The following BDNF variants were observed in gnomAD, a reference collection of about 807,000 sequenced individuals.
BDNF encodes neurotrophic factor BDNF precursor form.
A neutral mutation model predicts 19.5 loss-of-function variants in BDNF; 1 was observed. The observed-to-expected ratio is 0.05, with a 90% confidence interval of 0.02 to 0.24. BDNF has a LOEUF of 0.24. Ranked by LOEUF, BDNF falls within the 10% of genes least tolerant of loss-of-function variation. The pLI, the probability that BDNF is intolerant of heterozygous loss-of-function variation, is 1.00. For synonymous variants in BDNF, 100 were observed against 121.6 expected, an observed-to-expected ratio of 0.82 and a Z score of 1.17; for missense variants, 195 against 317.6, an observed-to-expected ratio of 0.61 and a Z score of 2.93.
In BDNF at chr11:27,694,692, T is replaced by G. The variant is rs543117010; in HGVS notation, c.-22+5472A>C. ...TTCCTTTTTCTTGTTTGTTTGTTTT[T>G]TGTGTGTGTGTTTAAAATCTTGCTT... On this transcript the variant is annotated intron_variant, in intron 1 of 1. Transcript: ENST00000356660. 3.9e-5 allele frequency among the ~76,000 whole-genome samples: 6 copies of G among 152,178 alleles called. No individual in the cohort carries two copies. In the East Asian group the frequency reaches 7.7e-4, roughly 20 times the overall value.
chr11:27,713,034 AGT>A (rs1243813962), intron 1 of BDNF, among the ~76,000 whole-genome samples: 1 of 149,064 alleles, frequency 6.7e-6, no homozygotes, highest in Non-Finnish European at 1.5e-5. Context: ...CAGCCTCCCA[AGT>A]AGCTGAGATT....
Position 27,716,440 on chromosome 11 carries a change from TACACACACACACACAGAC to T in BDNF, c.3+4954_3+4971del, listed in dbSNP as rs1221588448. On this transcript the variant is annotated intron_variant, in intron 1 of 1. Coordinates refer to the BDNF transcript ENST00000314915. ...ACACACACAGAGACACACACGCCCA[TACACACACACACACAGAC>T]ACACACACACACACACACACACACA... is the stretch of plus-strand genomic sequence containing the variant. Among the ~76,000 whole-genome samples the T allele has an allele frequency of 6.1e-3, 524 of 86,570 alleles. 2 individuals carry two copies. The highest frequency in any genetic ancestry group is 0.019 in the African/African-American group (499 of 25,642). The allele number at this position is 86,570 out of a possible 152,430, so 56.8% of individuals were successfully genotyped here.
At chr11:27,662,785 A>G (rs1040415042) in intron 1 of BDNF, among the ~76,000 whole-genome samples, 3 of 152,216 alleles carry the variant, frequency 2.0e-5, no homozygotes, top group Admixed American at 6.5e-5. Context: ...CCCGCCGCTC[A>G]CTTCCTACTG....
At chr11:27,713,571 G>A (rs755844305) in intron 1 of BDNF, among the ~76,000 whole-genome samples, 20 of 152,136 alleles carry the variant, frequency 1.3e-4, no homozygotes, top group African/African-American at 2.9e-4. Flanking sequence ...TCCTTGAAGC[G>A]GGAGGAATCA....
chr11:27,720,552 C>T, intron 1 of BDNF: 1 of 985,816 alleles, frequency 1.0e-6, no homozygotes, highest in East Asian at 1.1e-4. Context: ...GACTCTCTCT[C>T]CAGCCCCGAT....
chr11:27,680,039 C>T (rs1246340181), intron 1 of BDNF, among the ~76,000 whole-genome samples: 1 of 152,212 alleles, frequency 6.6e-6, no homozygotes, highest in Non-Finnish European at 1.5e-5. Context: ...TGGATGTCAA[C>T]TTGTCAAACT....
intron 1 of BDNF, chr11:27,721,398 TTATTGC>T: frequency 1.9e-6 from 3 of 1,614,096 alleles, no homozygotes; most frequent in Non-Finnish European, 2.5e-6. Context: ...AATGCAGGTT[TTATTGC>T]TACTCACCAT....
At chr11:27,721,429 C>T in exon 1 of BDNF, 1 of 1,614,062 alleles carries the variant, frequency 6.2e-7, no homozygotes, top group Non-Finnish European at 8.5e-7. Flanking sequence ...CCTTTGCTGT[C>T]CTGGAGACTC....
At chr11:27,720,589 G>A (rs1860710440) in intron 1 of BDNF, 1 of 985,660 alleles carries the variant, frequency 1.0e-6, no homozygotes, top group African/African-American at 1.7e-5. Context: ...CCTCAGAAAA[G>A]ACGCTTTTTA....
intron 1 of BDNF, among the ~76,000 whole-genome samples, chr11:27,682,228 GA>G (rs1856921422): frequency 6.6e-6 from 1 of 151,882 alleles, no homozygotes; most frequent in Non-Finnish European, 1.5e-5. Flanking sequence ...ACCATCTGTA[GA>G]AGTTTCTAAA....
intron 1 of BDNF, among the ~76,000 whole-genome samples, chr11:27,676,500 G>A (rs1200101025): frequency 6.6e-6 from 1 of 152,086 alleles, no homozygotes; most frequent in African/African-American, 2.4e-5. Context: ...ATGTGGGGAT[G>A]ACCTGGAATA....
chr11:27,658,578 T>C lies in BDNF; in HGVS notation c.-14A>G. 2 of 1,614,226 alleles carry C rather than the reference T, an allele frequency of 1.2e-6. No homozygotes were observed. The highest frequency in any genetic ancestry group is 1.7e-6 in the Non-Finnish European group (2 of 1,180,032). On this transcript the variant is annotated 5_prime_UTR_variant, in exon 2 of 2. Coordinates refer to ENST00000356660, the MANE Select transcript of BDNF (RefSeq NM_001709.5). This position sits in a 1 kb window ranked among gnomAD's most constrained non-coding sequence, Gnocchi z 5.7. ...AAGGATGGTCATCACTCTTCTCACC[T>C]GGTGGAACTGTAGGGAGAAAGCAGA...
Position 27,656,630 on chromosome 11 carries a change from A to G in BDNF, c.*1191T>C, listed in dbSNP as rs1852580149. Reference sequence around the variant, plus strand: ...GCTGTTCAGTCTCATGTCACTGGCAATGTGGATTCCTGTTCTGATCTAGGT... The same window carrying G: ...GCTGTTCAGTCTCATGTCACTGGCAGTGTGGATTCCTGTTCTGATCTAGGT... On this transcript the variant is annotated 3_prime_UTR_variant, in exon 2 of 2. Transcript: ENST00000356660. The G allele has an allele frequency of 1.1e-5, 11 of 985,640 alleles. No homozygotes were observed. The highest frequency in any genetic ancestry group is 5.2e-4 in the Middle Eastern group (1 of 1,938). The allele number at this position is 985,640 out of a possible 1,614,324, so 61.1% of individuals were successfully genotyped here. A position where few individuals can be genotyped will look rare whatever the true frequency, so the allele number is the denominator to read the frequency against.
At chr11:27,711,281 A>C (rs1289346394) in intron 1 of BDNF, among the ~76,000 whole-genome samples, 1 of 152,250 alleles carries the variant, frequency 6.6e-6, no homozygotes, top group African/African-American at 2.4e-5. Context: ...TAGTGAGCTC[A>C]ACAAAGTTAG....
chr11:27,720,225 A>G (rs776186068), intron 1 of BDNF: 470 of 703,488 alleles, frequency 6.7e-4, no homozygotes, highest in Non-Finnish European at 7.8e-4. Context: ...AAATACCAAG[A>G]AACAACCCCC....
chr11:27,699,481 C>T, intron 1 of BDNF: 1 of 1,614,044 alleles, frequency 6.2e-7, no homozygotes, highest in Non-Finnish European at 8.5e-7. Flanking sequence ...CTCTTAACTT[C>T]CCTGGAGGGC....
intron 1 of BDNF, chr11:27,691,004 G>T (rs1447275367): frequency 3.9e-5 from 6 of 152,018 alleles, no homozygotes; most frequent in Admixed American, 6.5e-5. Context: ...GTTAAAAAGA[G>T]TTCTTCATGA....
At chr11:27,675,091 C>A (rs1323509232) in intron 1 of BDNF, 2 of 202,780 alleles carry the variant, frequency 9.9e-6, no homozygotes, top group Non-Finnish European at 1.7e-5. Flanking sequence ...ATGCCTCTTT[C>A]CATATGGGGT....
intron 1 of BDNF, chr11:27,660,290 T>A (rs892252073): frequency 1.5e-5 from 18 of 1,196,244 alleles, no homozygotes; most frequent in African/African-American, 4.8e-5. Flanking sequence ...CACAAAAAAA[T>A]TTCTTTTAGA....
Sources: gnomAD v4.1 joint callset for allele counts (sites outside exome capture counted in the v4.1 genomes callset) on GRCh38, gnomAD v4.1.1 for gene constraint, Gnocchi (gnomAD v3.1) non-coding constraint, MANE v1.5 for transcripts, NCBI Gene and HGNC (gene_info 2026-07-23, HGNC 2026-07-21) for gene names.